Variants in ZNF740 observed in about 807,000 individuals in gnomAD.
ZNF740 encodes the protein oriLyt TD-element-binding protein 7.
Under a neutral mutation model 24.8 loss-of-function variants are expected in ZNF740, and 14 were observed. That is an observed-to-expected ratio of 0.56 (90% CI 0.37 to 0.88). The LOEUF (loss-of-function observed/expected upper bound fraction) is 0.88. Among genes scored for constraint, ZNF740 ranks in the 40% least tolerant of loss-of-function variants. The probability of loss-of-function intolerance (pLI) is 0.00; values close to 1 mark genes in which losing one functional copy is unlikely to be tolerated. For synonymous variants in ZNF740, 69 were observed against 84.0 expected, an observed-to-expected ratio of 0.82 and a Z score of 0.98; for missense variants, 201 against 247.9, an observed-to-expected ratio of 0.81 and a Z score of 1.27.
chr12:53,191,553 C>T lies in ZNF740; in HGVS notation c.*3963C>T, dbSNP rs116170001. 3.6e-4 allele frequency: 577 copies of T among 1,608,192 alleles called. 1 individual carries two copies. In the African/African-American group the frequency reaches 7.1e-3, roughly 20 times the overall value. ...GAGCCTTGGGTAAGTGTCCCTCCCTCCTTCAGAGAGTGGGACTGTCTGCCT... is the reference window on the plus strand; with the variant it reads ...GAGCCTTGGGTAAGTGTCCCTCCCTTCTTCAGAGAGTGGGACTGTCTGCCT... On this transcript the variant is annotated 3_prime_UTR_variant, in exon 7 of 7. Coordinates refer to ENST00000416904, the MANE Select transcript of ZNF740 (RefSeq NM_001004304.4).
intron 1 of ZNF740, 43 bp downstream of exon 1, chr12:53,180,880 G>T: frequency 8.3e-7 from 1 of 1,203,504 alleles, no homozygotes; most frequent in Non-Finnish European, 1.1e-6. Context: ...CCGTACAGAC[G>T]GCAGCGCTTC....
intron 2 of ZNF740, among the ~76,000 whole-genome samples, chr12:53,183,007 A>G (rs1472739801): frequency 1.3e-5 from 2 of 151,862 alleles, no homozygotes. Context: ...CTTCTAGGGA[A>G]CCTCCCTACC....
rs568681050 is a variant in ZNF740 at position 53,193,626 on chromosome 12, G to C, written c.*6036G>C. The C allele has an allele frequency of 8.2e-7, 1 of 1,226,336 alleles. No individual in the cohort carries two copies. Among genetic ancestry groups the C allele is most frequent in the African/African-American group, 1.5e-5 (1 of 65,786 alleles). 76.0% of individuals were successfully genotyped at this position (1,226,336 alleles called of 1,614,324 possible). A position where few individuals can be genotyped will look rare whatever the true frequency, so the allele number is the denominator to read the frequency against. The stretch of plus-strand genomic sequence containing the variant: ...ATGTCGAGGAGACTCCTGTGGGGGG[G>C]ATGGAAAGCAGCGGAGGAATACGGG... On this transcript the variant is annotated 3_prime_UTR_variant, in exon 7 of 7. Transcript: ENST00000416904.
rs1295282000 is a variant in ZNF740 at position 53,192,618 on chromosome 12, A to C, written c.*5028A>C. On this transcript the variant is annotated 3_prime_UTR_variant, in exon 7 of 7. Coordinates refer to ENST00000416904, the MANE Select transcript of ZNF740 (RefSeq NM_001004304.4). ...TTGCCCAACTACAAGCAGGACGGAG[A>C]GTAGGCAGATGGGAGTAGCTCAACA... 9 of 1,597,416 alleles carry C rather than the reference A, an allele frequency of 5.6e-6. No homozygotes were observed. The highest frequency in any genetic ancestry group is 7.7e-6 in the Non-Finnish European group (9 of 1,167,534).
rs1005160162 is a variant in ZNF740, at chr12:53,192,856, C to T, written c.*5266C>T. The T allele has an allele frequency of 1.2e-6, 2 of 1,614,228 alleles. No homozygotes were observed. ...CATGTCCCCACTGCATTCGCATGCT[C>T]TGCCCGTGCGGTTGGCATGACAGTG... On this transcript the variant is annotated 3_prime_UTR_variant, in exon 7 of 7. Coordinates refer to ENST00000416904, the MANE Select transcript of ZNF740 (RefSeq NM_001004304.4).
Position 53,189,924 on chromosome 12 carries a change from C to T in ZNF740, c.*2334C>T, listed in dbSNP as rs1185652891. 6 of 149,004 alleles carry T rather than the reference C, an allele frequency of 4.0e-5. No individual in the cohort carries two copies. Among genetic ancestry groups the T allele is most frequent in the Non-Finnish European group, 8.9e-5 (6 of 67,694 alleles). 9.2% of individuals were successfully genotyped at this position (149,004 alleles called of 1,614,324 possible). A position where few individuals can be genotyped will look rare whatever the true frequency, so the allele number is the denominator to read the frequency against. The stretch of plus-strand genomic sequence containing the variant: ...GGATAGGGGTGTATGTGGAGAGATT[C>T]ATGTAAGTCTCACATGAGTGACCTG... On this transcript the variant is annotated 3_prime_UTR_variant, in exon 7 of 7. Coordinates refer to ENST00000416904, the MANE Select transcript of ZNF740 (RefSeq NM_001004304.4).
chr12:53,186,312 TAA>T (rs748576063), intron 5 of ZNF740, 77 bp from the exon 6 acceptor site: 76 of 1,365,654 alleles, frequency 5.6e-5, no homozygotes, highest in Non-Finnish European at 7.1e-5. Context: ...TACTAAGAGT[TAA>T]AGTTTCTGAG....
At position 53,193,421 on chromosome 12, in the gene ZNF740, GTC is replaced by G. The variant is rs1256117715; in HGVS notation, c.*5836_*5837del. The G allele has an allele frequency of 3.9e-6, 5 of 1,271,094 alleles. No individual in the cohort carries two copies. The East Asian group carries it at 1.3e-4, about 32-fold the overall frequency. 78.7% of individuals were successfully genotyped at this position (1,271,094 alleles called of 1,614,324 possible). On this transcript the variant is annotated 3_prime_UTR_variant, in exon 7 of 7. Coordinates refer to ENST00000416904, the MANE Select transcript of ZNF740 (RefSeq NM_001004304.4). Reference sequence around the variant, plus strand: ...CAGAGGGTTTGATCACCCCTGACTTGTCTCTCCCAGGAACCTCTAAACCCAAG... The same window carrying G: ...CAGAGGGTTTGATCACCCCTGACTTGTCTCCCAGGAACCTCTAAACCCAAG...
At position 53,194,072 on chromosome 12, in the gene ZNF740, T is replaced by C; in HGVS notation, c.*6482T>C. ...GCCACTCAGACTGCTCCAGGAAGGA[T>C]GGATGGAGGACTACCTCAGGCTCTC... On this transcript the variant is annotated 3_prime_UTR_variant, in exon 7 of 7. Transcript: ENST00000416904. 4.2e-6 allele frequency: 6 copies of C among 1,429,300 alleles called. No homozygotes were observed. In the South Asian group the frequency reaches 7.6e-5, roughly 18 times the overall value. 88.5% of individuals were successfully genotyped at this position (1,429,300 alleles called of 1,614,324 possible).
chr12:53,194,898 G>A lies in ZNF740; in HGVS notation c.*7308G>A, dbSNP rs1163877412. The A allele has an allele frequency of 5.9e-6, 1 of 169,406 alleles. No homozygotes were observed. The highest frequency in any genetic ancestry group is 2.4e-5 in the African/African-American group (1 of 41,880). 10.5% of individuals were successfully genotyped at this position (169,406 alleles called of 1,614,324 possible). A position where few individuals can be genotyped will look rare whatever the true frequency, so the allele number is the denominator to read the frequency against. Reference sequence around the variant, plus strand: ...TGAATTATTTATAAACTTAGTGAAAGCAGGCTCCAGATCTCACATTGTTTA... The same window carrying A: ...TGAATTATTTATAAACTTAGTGAAAACAGGCTCCAGATCTCACATTGTTTA... On this transcript the variant is annotated 3_prime_UTR_variant, in exon 7 of 7. Coordinates refer to ENST00000416904, the MANE Select transcript of ZNF740 (RefSeq NM_001004304.4).
intron 2 of ZNF740, among the ~76,000 whole-genome samples, chr12:53,184,114 G>GGGGTGTGTGT (rs1555175868): frequency 3.2e-5 from 4 of 123,572 alleles, no homozygotes; most frequent in Admixed American, 7.8e-5. Context: ...GAAGCTAAGG[G>GGGGTGTGTGT]GTGTGTGTGT....
In ZNF740 at chr12:53,192,229, T is replaced by G. The variant is rs1227581215; in HGVS notation, c.*4639T>G. On this transcript the variant is annotated 3_prime_UTR_variant, in exon 7 of 7. Transcript: ENST00000416904. ...CTTTGTCCTGGATTCACAGTTCTGC[T>G]TCAGCCCCCAGCCTGTTTCCCATTA... 2 of 1,344,432 alleles carry G rather than the reference T, an allele frequency of 1.5e-6. No individual in the cohort carries two copies. Among genetic ancestry groups the G allele is most frequent in the African/African-American group, 2.9e-5 (2 of 69,600 alleles). 83.3% of individuals were successfully genotyped at this position (1,344,432 alleles called of 1,614,324 possible). A position where few individuals can be genotyped will look rare whatever the true frequency, so the allele number is the denominator to read the frequency against.
intron 3 of ZNF740, 48 bp downstream of exon 3, chr12:53,185,088 G>C (rs759024811): frequency 1.2e-6 from 2 of 1,608,730 alleles, no homozygotes; most frequent in Non-Finnish European, 1.7e-6. Flanking sequence ...GGTGGCCCAA[G>C]CTCTCTGCCA....
rs1941933286 is a variant in ZNF740 at position 53,191,298 on chromosome 12, A to ACTTT, written c.*3708_*3709insCTTT. 2.0e-6 allele frequency: 1 copy of ACTTT among 494,974 alleles called. No individual in the cohort carries two copies. Among genetic ancestry groups the ACTTT allele is most frequent in the African/African-American group, 1.9e-5 (1 of 51,400 alleles). 30.7% of individuals were successfully genotyped at this position (494,974 alleles called of 1,614,324 possible). On this transcript the variant is annotated 3_prime_UTR_variant, in exon 7 of 7. Coordinates refer to ENST00000416904, the MANE Select transcript of ZNF740 (RefSeq NM_001004304.4). ...TAAACAGTCTGCTTTGGCCTTGATGAGGTAAAGCAAAGTGACAGCTGTGGT... is the reference window on the plus strand; with the variant it reads ...TAAACAGTCTGCTTTGGCCTTGATGACTTTGGTAAAGCAAAGTGACAGCTGTGGT...
rs371095321 is a variant in ZNF740, at chr12:53,191,834, G to A, written c.*4244G>A. 6.2e-7 allele frequency: 1 copy of A among 1,613,220 alleles called. No homozygotes were observed. The highest frequency in any genetic ancestry group is 1.3e-5 in the African/African-American group (1 of 74,828). On this transcript the variant is annotated 3_prime_UTR_variant, in exon 7 of 7. Transcript: ENST00000416904. ...TTGTGGTGGGGGAACAGCTAAAAAG[G>A]GGCCTAACCAGGAAGTCTCCTCACC...
In ZNF740 at chr12:53,186,074, A is replaced by G; in HGVS notation, c.370A>G (p.Thr124Ala). 2 of 1,612,122 alleles carry G rather than the reference A, an allele frequency of 1.2e-6. No homozygotes were observed. The highest frequency in any genetic ancestry group is 1.1e-5 in the South Asian group (1 of 90,994). The change falls in exon 5 of 7, where the codon ACT becomes GCT. Residue 124 changes from threonine (T) to alanine (A), a missense_variant. Coordinates refer to ENST00000416904, the MANE Select transcript of ZNF740 (RefSeq NM_001004304.4). ...YHLKRHILIH[T>A]GEKPFECDIC... is the part of the protein sequence containing the mutation. ...CCTAAAGAGGCACATCCTTATTCAC[A>G]CTGGTAAGTCTCTTGTTTATATTCA... is the stretch of plus-strand genomic sequence containing the variant.
intron 5 of ZNF740, 81 bp downstream of exon 5, chr12:53,186,158 T>TA (rs1941816773): frequency 6.6e-7 from 1 of 1,519,444 alleles, no homozygotes. Flanking sequence ...CTAGTTGGGT[T>TA]TATTTTAATG....
rs147592636 is a variant in ZNF740, at chr12:53,188,887, G to GGT, written c.*1313_*1314dup. ...TTGTCCACTCCCAAAAAAGTAATCG[G>GGT]GTGTGTGTGTGTGTGTGAGAGAGAG... On this transcript the variant is annotated 3_prime_UTR_variant, in exon 7 of 7. Coordinates refer to ENST00000416904, the MANE Select transcript of ZNF740 (RefSeq NM_001004304.4). The GGT allele has an allele frequency of 4.1e-3, 618 of 151,094 alleles. 2 individuals carry two copies. Among genetic ancestry groups the GGT allele is most frequent in the African/African-American group, 0.012 (514 of 41,266 alleles). The allele number at this position is 151,094 out of a possible 1,614,324, so 9.4% of individuals were successfully genotyped here. A position where few individuals can be genotyped will look rare whatever the true frequency, so the allele number is the denominator to read the frequency against.
chr12:53,181,767 A>G lies in ZNF740; in HGVS notation c.-217A>G, dbSNP rs1941652894. Reference sequence around the variant, plus strand: ...TCTTTTTCTTCAGACAATAGGCAGGAGCCAGGCAGAGTCCAGGGATTCTTG... The same window carrying G: ...TCTTTTTCTTCAGACAATAGGCAGGGGCCAGGCAGAGTCCAGGGATTCTTG... On this transcript the variant is annotated 5_prime_UTR_variant, in exon 2 of 7. Coordinates refer to ENST00000416904, the MANE Select transcript of ZNF740 (RefSeq NM_001004304.4). The G allele has an allele frequency of 1.6e-6, 1 of 616,796 alleles. No homozygotes were observed. The highest frequency in any genetic ancestry group is 3.3e-5 in the Admixed American group (1 of 30,116). 38.2% of individuals were successfully genotyped at this position (616,796 alleles called of 1,614,324 possible).
Sources: gnomAD v4.1 joint callset for allele counts (sites outside exome capture counted in the v4.1 genomes callset) on GRCh38, gnomAD v4.1.1 for gene constraint, MANE v1.5 for transcripts, NCBI Gene and HGNC (gene_info 2026-07-23, HGNC 2026-07-21) for gene names.